The following SLCO5A1 variants were observed in gnomAD, a reference collection of about 807,000 sequenced individuals.
SLCO5A1 encodes organic anion transporter polypeptide-related protein 4.
Under a neutral mutation model 65.1 loss-of-function variants are expected in SLCO5A1, and 39 were observed. The observed-to-expected ratio is 0.60, with a 90% CI of 0.46 to 0.78. SLCO5A1 has a LOEUF of 0.78. Ranked by LOEUF, SLCO5A1 falls within the 30% of genes least tolerant of loss-of-function variation. The pLI, the probability that SLCO5A1 is intolerant of heterozygous loss-of-function variation, is 0.00. For synonymous variants in SLCO5A1, 438 were observed against 415.7 expected, an observed-to-expected ratio of 1.05 and a Z score of -0.65; for missense variants, 1,029 against 1,069.4, an observed-to-expected ratio of 0.96 and a Z score of 0.53.
At chr8:69,789,675 G>A (rs1000868190) in intron 2 of SLCO5A1, among the ~76,000 whole-genome samples, 1 of 152,010 alleles carries the variant, frequency 6.6e-6, no homozygotes, top group South Asian at 2.1e-4. Flanking sequence ...TTAAATAAGT[G>A]GATTTTAGCT....
chr8:69,791,650 A>T (rs1819276029), intron 2 of SLCO5A1, among the ~76,000 whole-genome samples: 2 of 152,212 alleles, frequency 1.3e-5, no homozygotes, highest in Admixed American at 6.5e-5. Flanking sequence ...GATCATGGAG[A>T]CGACTGAGAA....
At chr8:69,772,986 GA>G in intron 2 of SLCO5A1, 1 of 984,686 alleles carries the variant, frequency 1.0e-6, no homozygotes, top group Non-Finnish European at 1.2e-6. Context: ...TGTGGGAAAG[GA>G]ATGATACGTT....
intron 4 of SLCO5A1, among the ~76,000 whole-genome samples, chr8:69,752,561 A>T (rs968007880): frequency 6.6e-6 from 1 of 152,246 alleles, no homozygotes; most frequent in African/African-American, 2.4e-5. Flanking sequence ...AAAGGAAATC[A>T]ATGTATACAA....
chr8:69,796,027 T>G (rs553734427), intron 2 of SLCO5A1, among the ~76,000 whole-genome samples: 1 of 152,170 alleles, frequency 6.6e-6, no homozygotes, highest in Non-Finnish European at 1.5e-5. Context: ...TGGAAAGCAG[T>G]GTCCCAAGAT....
At chr8:69,702,170 A>G (rs1487869274) in intron 6 of SLCO5A1, among the ~76,000 whole-genome samples, 2 of 151,776 alleles carry the variant, frequency 1.3e-5, no homozygotes, top group African/African-American at 4.9e-5. Context: ...ACATAATTTG[A>G]TAGAAATAAA....
At chr8:69,800,886 T>A (rs577407640) in intron 2 of SLCO5A1, among the ~76,000 whole-genome samples, 3 of 152,338 alleles carry the variant, frequency 2.0e-5, no homozygotes, top group Admixed American at 2.0e-4. Context: ...TACATGGGAC[T>A]GTTTGGCCAC....
intron 2 of SLCO5A1, among the ~76,000 whole-genome samples, chr8:69,778,468 A>T (rs953121347): frequency 9.4e-5 from 14 of 148,662 alleles, no homozygotes; most frequent in African/African-American, 3.0e-4. Flanking sequence ...AAAAGTCATT[A>T]AAAAAAAATA....
intron 7 of SLCO5A1, among the ~76,000 whole-genome samples, chr8:69,680,168 C>T (rs1813705721): frequency 6.6e-6 from 1 of 152,116 alleles, no homozygotes; most frequent in African/African-American, 2.4e-5. Context: ...GCAGGGAGTA[C>T]ATGTGCAGGT....
chr8:69,758,086 G>C (rs972931347), intron 3 of SLCO5A1, among the ~76,000 whole-genome samples: 1 of 152,186 alleles, frequency 6.6e-6, no homozygotes, highest in African/African-American at 2.4e-5. Context: ...ATAAGACAGT[G>C]TTATGATGGA....
In SLCO5A1 at chr8:69,705,228, C is replaced by T. The variant is rs1586704604; in HGVS notation, c.1425G>A (p.Gly475=). The T allele has an allele frequency of 6.2e-6, 10 of 1,613,582 alleles. No individual in the cohort carries two copies. Among genetic ancestry groups the T allele is most frequent in the Non-Finnish European group, 5.9e-6 (7 of 1,179,676 alleles). ...IPASNASIYT[G]VIIVPSAGVG... is the part of the protein sequence containing the mutation. ...CACCAGCACTGGGGACGATAATAAC[C>T]CCTGGGGAGAAGAGAAGGAGAGGAT... is the stretch of plus-strand genomic sequence containing the variant. Residue 475 remains glycine, a splice_region_variant and synonymous_variant, in exon 6 of 10, where the codon GGG becomes GGA. Transcript: ENST00000260126.
At chr8:69,762,336 G>A (rs969139475) in intron 2 of SLCO5A1, among the ~76,000 whole-genome samples, 2 of 151,932 alleles carry the variant, frequency 1.3e-5, no homozygotes, top group East Asian at 3.9e-4. Flanking sequence ...ACAGGCGCCC[G>A]CCACCACACC....
chr8:69,783,369 A>C (rs2130884612), intron 2 of SLCO5A1, among the ~76,000 whole-genome samples: 1 of 152,216 alleles, frequency 6.6e-6, no homozygotes, highest in African/African-American at 2.4e-5. Context: ...GGGATACCCC[A>C]TTCTCTATTG....
chr8:69,827,203 C>T (rs1001154641), intron 2 of SLCO5A1, among the ~76,000 whole-genome samples: 5 of 150,364 alleles, frequency 3.3e-5, no homozygotes, highest in African/African-American at 9.8e-5. Flanking sequence ...TGCTAAATGA[C>T]GAGTTAATGG....
At chr8:69,778,330 C>G (rs1389842920) in intron 2 of SLCO5A1, among the ~76,000 whole-genome samples, 4 of 151,204 alleles carry the variant, frequency 2.6e-5, no homozygotes, top group African/African-American at 9.7e-5. Context: ...TCAATTTTAT[C>G]TCAGGAATAA....
At position 69,740,600 on chromosome 8, in the gene SLCO5A1, G is replaced by A. The variant is rs1816752573; in HGVS notation, c.1259-2396C>T. Among the ~76,000 whole-genome samples, 9 of 152,258 alleles carry A rather than the reference G, an allele frequency of 5.9e-5. No individual in the cohort carries two copies. The South Asian group carries it at 1.9e-3, about 32-fold the overall frequency. ...GAAGTAATGACACCCTGGTAGGAAT[G>A]CATCCACCTAGCAACCAATTCTTGA... On this transcript the variant is annotated intron_variant, in intron 4 of 9. Transcript: ENST00000260126.
chr8:69,762,676 T>C (rs1158743950), intron 2 of SLCO5A1, among the ~76,000 whole-genome samples: 1 of 152,216 alleles, frequency 6.6e-6, no homozygotes, highest in African/African-American at 2.4e-5. Flanking sequence ...TCTAGCACGA[T>C]GAGGGAATTT....
chr8:69,806,810 G>A (rs1033227976), intron 2 of SLCO5A1, among the ~76,000 whole-genome samples: 15 of 152,224 alleles, frequency 9.9e-5, no homozygotes, highest in African/African-American at 3.6e-4. Context: ...GACCTCGGGA[G>A]CTTCTGGACA....
intron 6 of SLCO5A1, among the ~76,000 whole-genome samples, chr8:69,697,634 T>A (rs1235290969): frequency 1.3e-5 from 2 of 151,954 alleles, no homozygotes; most frequent in African/African-American, 2.4e-5. Context: ...ATAAGAAGGC[T>A]CCATCCATGA....
intron 5 of SLCO5A1, among the ~76,000 whole-genome samples, chr8:69,726,782 T>TGA (rs1816100250): frequency 6.6e-6 from 1 of 152,144 alleles, no homozygotes; most frequent in Non-Finnish European, 1.5e-5. Flanking sequence ...ATTACATGCA[T>TGA]GAGCCACCAT....
Sources: allele counts gnomAD v4.1 joint callset (sites outside exome capture counted in the v4.1 genomes callset), GRCh38; gene constraint gnomAD v4.1.1; transcripts MANE v1.5; gene names NCBI Gene and HGNC (gene_info 2026-07-23, HGNC 2026-07-21).